KLRG2: variants seen among roughly 807,000 people sequenced by gnomAD.
The protein encoded by KLRG2 is killer cell lectin like receptor G2.
A neutral mutation model predicts 35.4 loss-of-function variants in KLRG2; 39 were observed. The ratio of observed to expected loss-of-function variants is 1.10; its 90% CI spans 0.85 to 1.44. KLRG2 has a LOEUF of 1.44. Ranked by LOEUF, KLRG2 falls within the 40% of genes most tolerant of loss-of-function variation. The pLI is 0.00. For missense variants in KLRG2, 632 were observed against 570.9 expected, an observed-to-expected ratio of 1.11 and a Z score of -1.09; for synonymous variants, 283 against 265.8, an observed-to-expected ratio of 1.06 and a Z score of -0.63.
At chr7:139,480,858 C>T (rs1796947867) in intron 1 of KLRG2, among the ~76,000 whole-genome samples, 1 of 151,448 alleles carries the variant, frequency 6.6e-6, no homozygotes, top group Non-Finnish European at 1.5e-5. Flanking sequence ...ATTCTCATGC[C>T]TTAGCCTCCC....
chr7:139,447,945 A>C (rs994105136), downstream of KLRG2, among the ~76,000 whole-genome samples: 1 of 151,768 alleles, frequency 6.6e-6, no homozygotes, highest in Non-Finnish European at 1.5e-5. Flanking sequence ...GCTCCCCAAC[A>C]CTCTACGAGT....
chr7:139,456,566 G>A (rs1796480137), intron 3 of KLRG2, among the ~76,000 whole-genome samples: 1 of 152,114 alleles, frequency 6.6e-6, no homozygotes, highest in Non-Finnish European at 1.5e-5. Context: ...TGGCCAGGCT[G>A]GTCTTGAACT....
At chr7:139,450,558 A>G (rs1425582665), downstream of KLRG2, among the ~76,000 whole-genome samples, 1 of 152,182 alleles carries the variant, frequency 6.6e-6, no homozygotes, top group Non-Finnish European at 1.5e-5. Flanking sequence ...CAGAAGTCCC[A>G]CAGGGACTTA....
the KLRG2 span, among the ~76,000 whole-genome samples, chr7:139,432,457 C>T: frequency 1.6e-4 from 25 of 151,646 alleles, no homozygotes; most frequent in South Asian, 5.0e-3. Context: ...TATATGCAGG[C>T]GAAATACACA....
At chr7:139,454,364 A>C (rs2116423140) in intron 3 of KLRG2, 150 bp from the exon 4 acceptor site, 1 of 625,490 alleles carries the variant, frequency 1.6e-6, no homozygotes, top group East Asian at 2.9e-5. Context: ...AAAACCTTGA[A>C]AGCTGGATTG....
the KLRG2 span, among the ~76,000 whole-genome samples, chr7:139,439,793 C>T: frequency 2.0e-5 from 3 of 152,120 alleles, no homozygotes; most frequent in African/African-American, 4.8e-5. Flanking sequence ...CCAGGACTAT[C>T]GTAACAAAGT....
At chr7:139,427,504 A>C in the KLRG2 span, among the ~76,000 whole-genome samples, 3 of 152,118 alleles carry the variant, frequency 2.0e-5, no homozygotes, top group Admixed American at 2.0e-4. Flanking sequence ...CTCCTTTGGG[A>C]GACTGATTCT....
chr7:139,442,077 G>A, the KLRG2 span, among the ~76,000 whole-genome samples: 1 of 152,156 alleles, frequency 6.6e-6, no homozygotes, highest in East Asian at 1.9e-4. Context: ...CCTGGAGGCA[G>A]CCAGCTGAGC....
At chr7:139,445,769 ATATATATATATGTATATATATATGTGTG>A in the KLRG2 span, among the ~76,000 whole-genome samples, 7 of 119,542 alleles carry the variant, frequency 5.9e-5, 1 homozygote, top group African/African-American at 4.1e-4. Flanking sequence ...ATGTGTATGT[ATATATATATATGTATATATATATGTGTG>A]TATATATATA....
At chr7:139,470,612 TA>T (rs1318540890) in intron 3 of KLRG2, among the ~76,000 whole-genome samples, 1 of 151,994 alleles carries the variant, frequency 6.6e-6, no homozygotes, top group Non-Finnish European at 1.5e-5. Flanking sequence ...GGCAACATAG[TA>T]AGATTTCATC....
Position 139,453,174 on chromosome 7 carries a change from C to T in KLRG2, c.*413G>A. The T allele has an allele frequency of 3.1e-6, 1 of 319,914 alleles. No homozygotes were observed. Among genetic ancestry groups the T allele is most frequent in the Non-Finnish European group, 5.6e-6 (1 of 177,838 alleles). The allele number at this position is 319,914 out of a possible 1,614,324, so 19.8% of individuals were successfully genotyped here. The stretch of plus-strand genomic sequence containing the variant: ...CAATGACGTTATCCCTGCCAAGTCC[C>T]ACTGCCACTGAACAACGGCAGACTC... On this transcript the variant is annotated 3_prime_UTR_variant, in exon 5 of 5. Transcript: ENST00000340940.
At chr7:139,434,668 G>A in the KLRG2 span, among the ~76,000 whole-genome samples, 1 of 152,218 alleles carries the variant, frequency 6.6e-6, no homozygotes, top group African/African-American at 2.4e-5. Flanking sequence ...AGATGCTCTG[G>A]TTTGTTGATC....
At chr7:139,444,443 A>G in the KLRG2 span, among the ~76,000 whole-genome samples, 1 of 152,138 alleles carries the variant, frequency 6.6e-6, no homozygotes, top group South Asian at 2.1e-4. Flanking sequence ...GGGTCTCCCA[A>G]ATTGCTGGTA....
chr7:139,483,401 G>A lies in KLRG2; in HGVS notation c.242C>T (p.Pro81Leu). The A allele has an allele frequency of 6.5e-7, 1 of 1,541,040 alleles. No homozygotes were observed. The change falls in exon 1 of 5, where the codon CCG becomes CTG. Residue 81 changes from proline to leucine, a missense_variant. By Grantham distance (98) the Pro-to-Leu change is moderately conservative (BLOSUM62 -3). Coordinates refer to ENST00000340940, the MANE Select transcript of KLRG2 (RefSeq NM_198508.4). ...GACCCCGTAGCCCAGGCTGAGCGGC[G>A]GCACGCGCGGGGACCCGGGGCGAGG... ...PSPRPGSPRVPPLSLGYGVCP... is the reference protein window; with the variant it reads ...PSPRPGSPRVLPLSLGYGVCP...
At chr7:139,451,442 G>A (rs1284081301), downstream of KLRG2, among the ~76,000 whole-genome samples, 1 of 152,144 alleles carries the variant, frequency 6.6e-6, no homozygotes, top group African/African-American at 2.4e-5. Flanking sequence ...GGAGGTTGCG[G>A]TGAGCCGAGA....
downstream of KLRG2, among the ~76,000 whole-genome samples, chr7:139,449,139 C>T (rs1487796707): frequency 2.0e-5 from 3 of 150,278 alleles, no homozygotes; most frequent in South Asian, 2.1e-4. Flanking sequence ...TGGTGGCTCA[C>T]GCCTGTAATC....
At chr7:139,459,520 G>A (rs1310574583) in intron 3 of KLRG2, among the ~76,000 whole-genome samples, 1 of 152,100 alleles carries the variant, frequency 6.6e-6, no homozygotes, top group Non-Finnish European at 1.5e-5. Context: ...TTTGGTACAG[G>A]AGCCTGGGGT....
intron 3 of KLRG2, among the ~76,000 whole-genome samples, chr7:139,463,026 TAC>T (rs1796593112): frequency 2.0e-5 from 3 of 152,150 alleles, no homozygotes; most frequent in African/African-American, 7.2e-5. Context: ...CGACGCGGCT[TAC>T]AGTTTCGTTC....
rs369025047 is a variant in KLRG2 at position 139,463,340 on chromosome 7, C to A, written c.1006-9126G>T. ...CAAAAATTAGATTCCAGCCCTCAAA[C>A]CCCACAACAAGACTTAATTAACCTC... On this transcript the variant is annotated intron_variant, in intron 3 of 4. Transcript: ENST00000340940. Among the ~76,000 whole-genome samples the A allele has an allele frequency of 5.9e-5, 9 of 152,312 alleles. No individual in the cohort carries two copies. The South Asian group carries it at 1.7e-3, about 28-fold the overall frequency.
Sources: gnomAD v4.1 joint callset for allele counts (sites outside exome capture counted in the v4.1 genomes callset) on GRCh38, gnomAD v4.1.1 for gene constraint, MANE v1.5 for transcripts, NCBI Gene and HGNC (gene_info 2026-07-23, HGNC 2026-07-21) for gene names.